The following SNTB2 variants were observed in gnomAD, a reference collection of about 807,000 sequenced individuals.
SNTB2 encodes syntrophin beta 2, also known as beta-2-syntrophin.
A neutral mutation model predicts 46.2 loss-of-function variants in SNTB2; 34 were observed. The ratio of observed to expected loss-of-function variants is 0.74; its 90% CI spans 0.56 to 0.98. The LOEUF is 0.98. Ranked by LOEUF, SNTB2 falls within the 50% of genes least tolerant of loss-of-function variation. The pLI is 0.00. For missense variants in SNTB2, 603 were observed against 731.4 expected, an observed-to-expected ratio of 0.82 and a Z score of 2.02; for synonymous variants, 290 against 312.6, an observed-to-expected ratio of 0.93 and a Z score of 0.76.
chr16:69,205,927 G>T (rs553252905), intron 1 of SNTB2, among the ~76,000 whole-genome samples: 1 of 152,268 alleles, frequency 6.6e-6, no homozygotes, highest in East Asian at 1.9e-4. Context: ...TTCCATTGAG[G>T]TCCTATACTC....
At chr16:69,233,989 C>A (rs145920187) in intron 1 of SNTB2, among the ~76,000 whole-genome samples, 1 of 151,762 alleles carries the variant, frequency 6.6e-6, no homozygotes, top group Admixed American at 6.6e-5. Context: ...CACTGCACTC[C>A]GACCTGGACA....
chr16:69,295,230 ATTTTTTTTTTTTTT>A (rs1160903028), intron 5 of SNTB2, among the ~76,000 whole-genome samples: 4 of 81,934 alleles, frequency 4.9e-5, no homozygotes, highest in South Asian at 4.7e-4. Context: ...AACATACTGA[ATTTTTTTTTTTTTT>A]TTTTTTTTTT....
At chr16:69,232,545 C>T (rs1414786007) in intron 1 of SNTB2, among the ~76,000 whole-genome samples, 1 of 104,076 alleles carries the variant, frequency 9.6e-6, no homozygotes, top group Non-Finnish European at 1.8e-5. Context: ...CGGAGTCTCG[C>T]TCTGTTGCCA....
At chr16:69,196,059 G>A (rs184698017) in intron 1 of SNTB2, among the ~76,000 whole-genome samples, 11 of 152,238 alleles carry the variant, frequency 7.2e-5, no homozygotes, top group South Asian at 2.1e-4. Flanking sequence ...ACAACATGGC[G>A]AGACCCTGTC....
At chr16:69,196,114 C>T (rs1964102962) in intron 1 of SNTB2, among the ~76,000 whole-genome samples, 2 of 152,042 alleles carry the variant, frequency 1.3e-5, no homozygotes, top group South Asian at 4.1e-4. Context: ...TGGCGAGTGC[C>T]TGTGGTCCCA....
In SNTB2 at chr16:69,236,324, G is replaced by A. The variant is rs996340395; in HGVS notation, c.581-9278G>A. Among the ~76,000 whole-genome samples the A allele has an allele frequency of 7.9e-5, 12 of 152,226 alleles. 1 individual carries two copies. Among genetic ancestry groups the A allele is most frequent in the East Asian group, 3.9e-4 (2 of 5,180 alleles). ...AGTTGGGGTCTAGGACAATCAACCT[G>A]GTAACCTTGTGTAAAGGCATGAGAG... On this transcript the variant is annotated intron_variant, in intron 1 of 6. Transcript: ENST00000336278.
chr16:69,223,333 C>T (rs1023759396), intron 1 of SNTB2, among the ~76,000 whole-genome samples: 5 of 151,512 alleles, frequency 3.3e-5, no homozygotes, highest in Non-Finnish European at 7.4e-5. Context: ...GCTGAGATTA[C>T]AGGCGCCCCA....
chr16:69,300,397 C>T (rs557456016), intron 6 of SNTB2, among the ~76,000 whole-genome samples: 6 of 149,142 alleles, frequency 4.0e-5, no homozygotes, highest in African/African-American at 1.5e-4. Context: ...ATTACATGCA[C>T]GTGCCACCAT....
At chr16:69,187,853 T>C in intron 1 of SNTB2, 107 bp downstream of exon 1, 1 of 929,442 alleles carries the variant, frequency 1.1e-6, no homozygotes, top group Non-Finnish European at 1.5e-6. Flanking sequence ...TCTCCCCGTC[T>C]CTCTCCAAAC....
chr16:69,264,578 G>A (rs568163642), intron 3 of SNTB2, among the ~76,000 whole-genome samples: 23 of 152,318 alleles, frequency 1.5e-4, no homozygotes, highest in African/African-American at 5.3e-4. Flanking sequence ...AAGAGCAGCC[G>A]AGTTCACCCA....
In SNTB2 at chr16:69,245,635, A is replaced by G. The variant is rs1964663181; in HGVS notation, c.614A>G (p.Lys205Arg). The stretch of plus-strand genomic sequence containing the variant: ...ATCCGAGAAGTAACACCATATATCA[A>G]GAAGCCATCATTAGTATCAGATCTG... ...KFIREVTPYI[K>R]KPSLVSDLPW... Residue 205 changes from lysine to arginine, a missense_variant, in exon 2 of 7, where the codon AAG becomes AGG. Coordinates refer to ENST00000336278, the MANE Select transcript of SNTB2 (RefSeq NM_006750.4). 6.8e-6 allele frequency: 11 copies of G among 1,614,094 alleles called. No individual in the cohort carries two copies. Among genetic ancestry groups the G allele is most frequent in the Non-Finnish European group, 9.3e-6 (11 of 1,179,976 alleles).
At chr16:69,211,509 G>A (rs1261335276) in intron 1 of SNTB2, among the ~76,000 whole-genome samples, 6 of 144,804 alleles carry the variant, frequency 4.1e-5, no homozygotes, top group Non-Finnish European at 7.5e-5. Context: ...TCCAGCTTGG[G>A]CAACATAATG....
At chr16:69,214,531 G>A (rs1295045419) in intron 1 of SNTB2, among the ~76,000 whole-genome samples, 1 of 150,676 alleles carries the variant, frequency 6.6e-6, no homozygotes, top group Non-Finnish European at 1.5e-5. Context: ...GTACATATGT[G>A]TGTATGTATG....
chr16:69,215,495 A>AATGG (rs1398927801), intron 1 of SNTB2, among the ~76,000 whole-genome samples: 1 of 152,136 alleles, frequency 6.6e-6, no homozygotes, highest in Non-Finnish European at 1.5e-5. Flanking sequence ...TGTTACTGAG[A>AATGG]TAATGTTTGT....
intron 4 of SNTB2, among the ~76,000 whole-genome samples, chr16:69,280,661 G>T (rs560202159): frequency 6.6e-6 from 1 of 152,178 alleles, no homozygotes; most frequent in East Asian, 1.9e-4. Context: ...CAGTAGGGGC[G>T]GCCGGCTTTG....
chr16:69,187,863 C>G, intron 1 of SNTB2, 117 bp downstream of exon 1: 1 of 873,080 alleles, frequency 1.1e-6, no homozygotes, highest in Non-Finnish European at 1.6e-6. Flanking sequence ...TCTCTCCAAA[C>G]CCGGGTTTCT....
chr16:69,209,280 A>G (rs572736367), intron 1 of SNTB2, among the ~76,000 whole-genome samples: 4 of 152,098 alleles, frequency 2.6e-5, no homozygotes, highest in African/African-American at 7.2e-5. Flanking sequence ...TTTTATATCA[A>G]CTTTTAGGTT....
intron 1 of SNTB2, among the ~76,000 whole-genome samples, chr16:69,195,608 C>T (rs1296053081): frequency 6.6e-6 from 1 of 152,114 alleles, no homozygotes; most frequent in East Asian, 1.9e-4. Context: ...GCTGCAACAT[C>T]TCCTGCTGTG....
intron 1 of SNTB2, among the ~76,000 whole-genome samples, chr16:69,234,499 C>G (rs1300540702): frequency 2.0e-5 from 3 of 152,082 alleles, no homozygotes; most frequent in Non-Finnish European, 2.9e-5. Flanking sequence ...ACTAAAAAGT[C>G]TGGAAGAAAA....
Sources: gnomAD v4.1 joint callset for allele counts (sites outside exome capture counted in the v4.1 genomes callset) on GRCh38, gnomAD v4.1.1 for gene constraint, MANE v1.5 for transcripts, NCBI Gene and HGNC (gene_info 2026-07-23, HGNC 2026-07-21) for gene names.